PKHD1: variants seen among roughly 807,000 people sequenced by gnomAD.
PKHD1 encodes the protein fibrocystin.
In PKHD1, 291 loss-of-function variants were observed where a neutral mutation model predicts 412.0. That is an observed-to-expected ratio of 0.71 (90% CI 0.64 to 0.78). The LOEUF (loss-of-function observed/expected upper bound fraction) is 0.78, where lower values mean the gene tolerates loss of function less well. Among genes scored for constraint, PKHD1 ranks in the 30% least tolerant of loss-of-function variants. The probability of loss-of-function intolerance (pLI) is 0.00; values close to 1 mark genes in which losing one functional copy is unlikely to be tolerated. For missense variants in PKHD1, 4,825 were observed against 4,950.7 expected (o/e 0.97, Z 0.76); for synonymous variants, 1,777 against 1,821.5 (o/e 0.98, Z 0.62).
intron 37 of PKHD1, among the ~76,000 whole-genome samples, chr6:51,920,157 C>G (rs1033255083): frequency 2.0e-5 from 3 of 152,264 alleles, no homozygotes; most frequent in African/African-American, 7.2e-5. Flanking sequence ...GAACTTCCAA[C>G]ACTATGTTGA....
At chr6:51,898,893 C>T (rs1444313132) in intron 43 of PKHD1, among the ~76,000 whole-genome samples, 8 of 152,180 alleles carry the variant, frequency 5.3e-5, no homozygotes, top group South Asian at 4.2e-4. Context: ...AACACCTCTA[C>T]GCAAATAAAC....
In PKHD1 at chr6:51,745,502, T is replaced by C. The variant is rs144353234; in HGVS notation, c.9999-960A>G. ...AGAAACCTTCACCAGACGCCTATTA[T>C]GCCAGTGTTTGATCTTGGACTCCCC... On this transcript the variant is annotated intron_variant, in intron 59 of 66. Coordinates refer to ENST00000371117, the MANE Select transcript of PKHD1 (RefSeq NM_138694.4). Among the ~76,000 whole-genome samples the C allele has an allele frequency of 2.0e-4, 30 of 152,270 alleles. No individual in the cohort carries two copies. In the East Asian group the frequency reaches 5.8e-3, roughly 29 times the overall value.
At chr6:52,019,139 GA>G (rs1173557194) in intron 33 of PKHD1, among the ~76,000 whole-genome samples, 1 of 152,158 alleles carries the variant, frequency 6.6e-6, no homozygotes, top group Non-Finnish European at 1.5e-5. Flanking sequence ...AGCTCTGTCT[GA>G]AAACCTTAAT....
At chr6:51,953,735 T>C (rs1046698615) in intron 36 of PKHD1, among the ~76,000 whole-genome samples, 4 of 152,028 alleles carry the variant, frequency 2.6e-5, no homozygotes, top group Non-Finnish European at 5.9e-5. Context: ...ACCAAGAATA[T>C]GCATTTCCAT....
chr6:52,013,330 C>T (rs923089017), intron 34 of PKHD1, among the ~76,000 whole-genome samples: 3 of 152,168 alleles, frequency 2.0e-5, no homozygotes, highest in African/African-American at 7.2e-5. Context: ...AATTAAACCC[C>T]TTTCTGTTAG....
rs147051973 is a variant in PKHD1 at position 52,045,074 on chromosome 6, G to A, written c.2607C>T (p.Asn869=). The change falls in exon 25 of 67, where the codon AAC becomes AAT. Residue 869 remains asparagine (N), a synonymous_variant. Coordinates refer to ENST00000371117, the MANE Select transcript of PKHD1 (RefSeq NM_138694.4). ...LPNFIRVSDE[N]LTGVNPAAAT... ...CTGCAGCAGGATTCACTCCAGTAAG[G>A]TTTTCATCAGAGACCTGAGATGGTT... 30 of 1,613,336 alleles carry A rather than the reference G, an allele frequency of 1.9e-5. 1 individual carries two copies. In the African/African-American group the frequency reaches 3.9e-4, roughly 21 times the overall value.
rs1283986953 is a variant in PKHD1 at position 51,715,292 on chromosome 6, C to G, written c.10156+29093G>C. 3.3e-5 allele frequency among the ~76,000 whole-genome samples: 5 copies of G among 152,062 alleles called. No individual in the cohort carries two copies. The East Asian group carries it at 7.7e-4, about 23-fold the overall frequency. On this transcript the variant is annotated intron_variant, in intron 60 of 66. Coordinates refer to ENST00000371117, the MANE Select transcript of PKHD1 (RefSeq NM_138694.4). ...TTGCCCAAGTTTACAGAGCCAGTAA[C>G]TGGGAAAGTCAGGTATTCCCAACTC... is the stretch of plus-strand genomic sequence containing the variant.
chr6:52,072,628 T>C (rs1013453471), intron 7 of PKHD1, among the ~76,000 whole-genome samples: 1 of 152,158 alleles, frequency 6.6e-6, no homozygotes, highest in Non-Finnish European at 1.5e-5. Context: ...AAGTTGACCA[T>C]TGCTTAATGC....
chr6:52,025,021 C>G lies in PKHD1; in HGVS notation c.4789G>C (p.Gly1597Arg). ...GGSLLTIEGT[G>R]LRGQNTTSVY... ...GACGTGGTGTTCTGTCCTCTCAGGC[C>G]TGTGCCCTCTATGGTCAAGAGGCTT... Residue 1597 changes from glycine to arginine, a missense_variant, in exon 32 of 67, where the codon GGC becomes CGC. Coordinates refer to ENST00000371117, the MANE Select transcript of PKHD1 (RefSeq NM_138694.4). The G allele has an allele frequency of 6.2e-7, 1 of 1,614,176 alleles. No homozygotes were observed. Among genetic ancestry groups the G allele is most frequent in the Non-Finnish European group, 8.5e-7 (1 of 1,180,022 alleles).
intron 52 of PKHD1, among the ~76,000 whole-genome samples, chr6:51,821,489 C>T (rs1238781713): frequency 2.0e-5 from 3 of 152,168 alleles, no homozygotes; most frequent in African/African-American, 4.8e-5. Context: ...ATGCCACTGT[C>T]GGTATTCCAG....
At chr6:52,021,929 G>A (rs903878808) in intron 33 of PKHD1, among the ~76,000 whole-genome samples, 19 of 152,048 alleles carry the variant, frequency 1.2e-4, no homozygotes, top group African/African-American at 4.6e-4. Flanking sequence ...AAATAAATTA[G>A]GAATAAAACT....
intron 60 of PKHD1, among the ~76,000 whole-genome samples, chr6:51,718,580 G>A (rs1279536870): frequency 1.3e-5 from 2 of 152,126 alleles, no homozygotes; most frequent in Admixed American, 1.3e-4. Flanking sequence ...TTACTGATGA[G>A]ATCTGAAGTT....
chr6:51,932,518 G>A (rs990188466), intron 37 of PKHD1, among the ~76,000 whole-genome samples: 4 of 152,268 alleles, frequency 2.6e-5, no homozygotes, highest in African/African-American at 9.6e-5. Context: ...TTCCCCAGAT[G>A]CACTTTTTTA....
chr6:52,064,491 C>T (rs1441407774), intron 13 of PKHD1, among the ~76,000 whole-genome samples: 1 of 152,168 alleles, frequency 6.6e-6, no homozygotes, highest in African/African-American at 2.4e-5. Flanking sequence ...CAGATGCCCA[C>T]AAGAGAGAAA....
At chr6:51,772,292 A>G (rs1322879072) in intron 55 of PKHD1, among the ~76,000 whole-genome samples, 2 of 148,612 alleles carry the variant, frequency 1.3e-5, no homozygotes, top group Non-Finnish European at 3.0e-5. Context: ...ATGCATTATT[A>G]AATTTCACAA....
intron 60 of PKHD1, among the ~76,000 whole-genome samples, chr6:51,668,658 T>C (rs1451491653): frequency 6.6e-6 from 1 of 152,218 alleles, no homozygotes; most frequent in Non-Finnish European, 1.5e-5. Flanking sequence ...TTTTTGCCCA[T>C]TCAGTATGAT....
chr6:51,778,887 T>C (rs557518733), intron 53 of PKHD1, among the ~76,000 whole-genome samples: 38 of 152,238 alleles, frequency 2.5e-4, no homozygotes, highest in African/African-American at 7.9e-4. Flanking sequence ...TCCTCTGTGC[T>C]CATGAGATTT....
intron 55 of PKHD1, among the ~76,000 whole-genome samples, chr6:51,763,960 T>A (rs564824540): frequency 1.4e-4 from 18 of 132,142 alleles, no homozygotes; most frequent in East Asian, 3.7e-4. Context: ...TTTTTTTTTT[T>A]TTATTATACT....
At chr6:52,016,446 G>A (rs1258293631) in intron 34 of PKHD1, among the ~76,000 whole-genome samples, 1 of 151,978 alleles carries the variant, frequency 6.6e-6, no homozygotes, top group Non-Finnish European at 1.5e-5. Context: ...GACCAGCTTG[G>A]CCAACATGAT....
Sources: gnomAD v4.1 joint callset for allele counts (sites outside exome capture counted in the v4.1 genomes callset) on GRCh38, gnomAD v4.1.1 for gene constraint, MANE v1.5 for transcripts, NCBI Gene and HGNC (gene_info 2026-07-23, HGNC 2026-07-21) for gene names.